The following NTM variants were observed in gnomAD, a reference collection of about 807,000 sequenced individuals.
NTM encodes IgLON family member 2.
In NTM, 13 loss-of-function variants were observed where a neutral mutation model predicts 42.1. That is an observed-to-expected ratio of 0.31 (90% CI 0.20 to 0.49). NTM has a LOEUF of 0.49. Among genes scored for constraint, NTM ranks in the 20% least tolerant of loss-of-function variants. The pLI, the probability that NTM is intolerant of heterozygous loss-of-function variation, is 0.99. For missense variants in NTM, 373 were observed against 452.8 expected, an observed-to-expected ratio of 0.82 and a Z score of 1.60; for synonymous variants, 187 against 179.2, an observed-to-expected ratio of 1.04 and a Z score of -0.35.
intron 1 of NTM, among the ~76,000 whole-genome samples, chr11:131,653,119 C>T (rs2066723243): frequency 6.6e-6 from 1 of 152,212 alleles, no homozygotes; most frequent in Non-Finnish European, 1.5e-5. Flanking sequence ...TGGGTGTGCC[C>T]TGTGTGGACC....
intron 1 of NTM, among the ~76,000 whole-genome samples, chr11:131,596,779 T>A (rs1037274960): frequency 6.6e-6 from 1 of 152,208 alleles, no homozygotes; most frequent in Non-Finnish European, 1.5e-5. Context: ...AGTGTATTAG[T>A]CAGGGTTCTC....
intron 1 of NTM, among the ~76,000 whole-genome samples, chr11:131,890,402 G>A (rs1233305782): frequency 6.6e-6 from 1 of 152,184 alleles, no homozygotes; most frequent in Admixed American, 6.5e-5. Context: ...TGGTAAGGCA[G>A]CCTCCTGTAA....
At chr11:131,416,099 T>C (rs1305265618) in intron 1 of NTM, among the ~76,000 whole-genome samples, 1 of 152,210 alleles carries the variant, frequency 6.6e-6, no homozygotes, top group African/African-American at 2.4e-5. Context: ...AATTTGCTTT[T>C]TTATCTGAGG....
chr11:131,509,060 A>G (rs976125893), intron 1 of NTM, among the ~76,000 whole-genome samples: 3 of 152,176 alleles, frequency 2.0e-5, no homozygotes, highest in Non-Finnish European at 4.4e-5. Flanking sequence ...ATAATAAAAA[A>G]GAAATTTGCT....
At chr11:131,934,756 G>A (rs556113310) in intron 2 of NTM, among the ~76,000 whole-genome samples, 3 of 152,270 alleles carry the variant, frequency 2.0e-5, no homozygotes, top group South Asian at 2.1e-4. Flanking sequence ...GCAGGACACC[G>A]CAGGGAGCAA....
chr11:132,180,822 AT>A lies in NTM; in HGVS notation c.401-31199del, dbSNP rs1273896316. Among the ~76,000 whole-genome samples the A allele has an allele frequency of 2.6e-5, 4 of 152,228 alleles. No homozygotes were observed. The East Asian group carries it at 7.8e-4, about 30-fold the overall frequency. Reference sequence around the variant, plus strand: ...AACTAAAACCCGGTGAGGCTCTCCCATCAGATTTTCTTTCCATTGTATTCGC... The same window carrying A: ...AACTAAAACCCGGTGAGGCTCTCCCACAGATTTTCTTTCCATTGTATTCGC... On this transcript the variant is annotated intron_variant, in intron 3 of 8. Transcript: ENST00000683400.
intron 2 of NTM, among the ~76,000 whole-genome samples, chr11:132,104,933 A>ATATGTATG (rs751071122): frequency 1.4e-4 from 2 of 14,638 alleles, no homozygotes; most frequent in African/African-American, 3.4e-4. Flanking sequence ...CCATATATAC[A>ATATGTATG]TATGTATATA....
chr11:131,625,904 C>T (rs941403056), intron 1 of NTM, among the ~76,000 whole-genome samples: 1 of 152,164 alleles, frequency 6.6e-6, no homozygotes, highest in Admixed American at 6.5e-5. Flanking sequence ...GGTTGTCACT[C>T]TCATTGCTGT....
chr11:131,920,428 C>G (rs2057057079), intron 2 of NTM, among the ~76,000 whole-genome samples: 1 of 152,188 alleles, frequency 6.6e-6, no homozygotes, highest in Non-Finnish European at 1.5e-5. Flanking sequence ...TAGGGCAACA[C>G]CAGTGCATCT....
intron 2 of NTM, among the ~76,000 whole-genome samples, chr11:132,134,430 G>T (rs188698283): frequency 2.0e-4 from 31 of 151,738 alleles, no homozygotes; most frequent in Admixed American, 3.3e-4. Context: ...ACCTTCACTC[G>T]AGCAGTGTAC....
intron 1 of NTM, among the ~76,000 whole-genome samples, chr11:131,804,157 C>T (rs7931410): frequency 0.031 from 4,654 of 152,306 alleles, 257 homozygotes; most frequent in African/African-American, 0.11. Flanking sequence ...CTCACTCAAA[C>T]TAGCAGAACA....
chr11:132,208,550 G>A (rs963242492), intron 3 of NTM, among the ~76,000 whole-genome samples: 9 of 152,150 alleles, frequency 5.9e-5, no homozygotes, highest in African/African-American at 2.2e-4. Context: ...CCAAGCATGA[G>A]GTGCGATTGT....
intron 2 of NTM, among the ~76,000 whole-genome samples, chr11:131,963,350 C>T (rs570408182): frequency 1.6e-4 from 25 of 152,260 alleles, no homozygotes; most frequent in African/African-American, 5.8e-4. Context: ...TAATGGACTG[C>T]AAGTAAACCT....
At chr11:131,671,361 T>C (rs1000545022) in intron 1 of NTM, 19 of 916,878 alleles carry the variant, frequency 2.1e-5, no homozygotes, top group Non-Finnish European at 2.5e-5. Flanking sequence ...ACTTTATTTA[T>C]GGAAGGCCAG....
chr11:132,317,044 G>A (rs2095447029), intron 7 of NTM, among the ~76,000 whole-genome samples: 2 of 152,146 alleles, frequency 1.3e-5, no homozygotes, highest in African/African-American at 2.4e-5. Context: ...AAGTGGCCTA[G>A]ACGTTGAGAA....
intron 2 of NTM, among the ~76,000 whole-genome samples, chr11:132,090,497 G>A (rs1335123358): frequency 6.6e-6 from 1 of 151,986 alleles, no homozygotes; most frequent in Admixed American, 6.6e-5. Context: ...TGCCATCTAT[G>A]GTTACCCTCT....
At chr11:132,015,192 A>G (rs2073160942) in intron 2 of NTM, among the ~76,000 whole-genome samples, 1 of 152,010 alleles carries the variant, frequency 6.6e-6, no homozygotes, top group Admixed American at 6.6e-5. Flanking sequence ...GTCAAAAATC[A>G]GTTGGCCATA....
chr11:132,001,686 GC>G (rs1289374695), intron 2 of NTM, among the ~76,000 whole-genome samples: 2 of 152,054 alleles, frequency 1.3e-5, no homozygotes, highest in East Asian at 3.9e-4. Context: ...CTCCCACCAG[GC>G]CCTATGCCAA....
intron 1 of NTM, among the ~76,000 whole-genome samples, chr11:131,888,359 G>A (rs1410905494): frequency 1.3e-5 from 2 of 151,946 alleles, no homozygotes; most frequent in African/African-American, 4.8e-5. Flanking sequence ...TTTTGGAGAG[G>A]GCATTTCACA....
Sources: allele counts gnomAD v4.1 joint callset (sites outside exome capture counted in the v4.1 genomes callset), GRCh38; gene constraint gnomAD v4.1.1; transcripts MANE v1.5; gene names NCBI Gene and HGNC (gene_info 2026-07-23, HGNC 2026-07-21).